PRDM2: variants seen among roughly 807,000 people sequenced by gnomAD.
PRDM2 encodes the protein PR domain zinc finger protein 2.
A neutral mutation model predicts 130.0 loss-of-function variants in PRDM2; 30 were observed. That is an observed-to-expected ratio of 0.23 (90% CI 0.17 to 0.31). The LOEUF (loss-of-function observed/expected upper bound fraction) is 0.31. PRDM2 is among the 10% of genes least tolerant of loss of function. PRDM2 has a pLI of 1.00. For missense variants in PRDM2, 2,011 were observed against 2,108.4 expected (o/e 0.95, Z 0.90); for synonymous variants, 871 against 782.4 (o/e 1.11, Z -1.89).
At chr1:13,752,943 G>A (rs1340793884) in intron 6 of PRDM2, among the ~76,000 whole-genome samples, 1 of 152,192 alleles carries the variant, frequency 6.6e-6, no homozygotes, top group Non-Finnish European at 1.5e-5. Context: ...CTGTGAAGCT[G>A]TGGGCTCTTG....
In PRDM2 at chr1:13,782,889, C is replaced by T. The variant is rs770641076; in HGVS notation, c.5036+58C>T. On this transcript the variant is annotated intron_variant, in intron 8 of 9. Coordinates refer to ENST00000311066, the MANE Select transcript of PRDM2 (RefSeq NM_001393986.1). ...GGGAAGGCGACAGTATCCTTGCCTACGGGTGTTTTTTGGTTTCTTGTTGCT... is the reference window on the plus strand; with the variant it reads ...GGGAAGGCGACAGTATCCTTGCCTATGGGTGTTTTTTGGTTTCTTGTTGCT... 6.2e-5 allele frequency: 99 copies of T among 1,588,318 alleles called. No homozygotes were observed. In the Middle Eastern group the frequency reaches 1.0e-3, roughly 16 times the overall value.
At chr1:13,813,836 C>T (rs1645213745) in intron 8 of PRDM2, among the ~76,000 whole-genome samples, 1 of 152,210 alleles carries the variant, frequency 6.6e-6, no homozygotes, top group African/African-American at 2.4e-5. Context: ...TTGCTGCATC[C>T]GCAGGAGCCC....
At chr1:13,807,557 G>A (rs1298947878) in intron 8 of PRDM2, among the ~76,000 whole-genome samples, 2 of 152,176 alleles carry the variant, frequency 1.3e-5, no homozygotes, top group Admixed American at 1.3e-4. Flanking sequence ...GGCTCACTGG[G>A]AATGAGACAT....
chr1:13,798,680 A>G (rs533500869), intron 8 of PRDM2, among the ~76,000 whole-genome samples: 2 of 152,234 alleles, frequency 1.3e-5, no homozygotes, highest in South Asian at 2.1e-4. Flanking sequence ...TTTTTCCCCT[A>G]TTTTTGGACC....
At chr1:13,726,773 T>C (rs886548410) in intron 2 of PRDM2, among the ~76,000 whole-genome samples, 1 of 152,218 alleles carries the variant, frequency 6.6e-6, no homozygotes, top group South Asian at 2.1e-4. Flanking sequence ...AGTCAAATAA[T>C]GAGTCCTCAT....
At chr1:13,792,377 A>C (rs1644854093) in intron 8 of PRDM2, among the ~76,000 whole-genome samples, 1 of 152,222 alleles carries the variant, frequency 6.6e-6, no homozygotes, top group Non-Finnish European at 1.5e-5. Context: ...AGTGTACAGC[A>C]GTTGAATTTG....
chr1:13,822,418 C>G, intron 9 of PRDM2, among the ~76,000 whole-genome samples: 1 of 129,678 alleles, frequency 7.7e-6, no homozygotes, highest in South Asian at 2.4e-4. Context: ...TTTTTTGAGA[C>G]AGAGTCTCGC....
At chr1:13,819,699 A>G (rs770940525) in intron 9 of PRDM2, among the ~76,000 whole-genome samples, 13 of 152,276 alleles carry the variant, frequency 8.5e-5, no homozygotes, top group Admixed American at 8.5e-4. Flanking sequence ...GTACCAGATC[A>G]GGGTGCCACC....
chr1:13,725,486 T>C (rs572656968), intron 2 of PRDM2, among the ~76,000 whole-genome samples: 1 of 152,342 alleles, frequency 6.6e-6, no homozygotes, highest in East Asian at 1.9e-4. Context: ...ATTACAGGCA[T>C]GAGCCACTGC....
At chr1:13,791,879 A>C (rs188096632) in intron 8 of PRDM2, among the ~76,000 whole-genome samples, 1 of 152,108 alleles carries the variant, frequency 6.6e-6, no homozygotes, top group African/African-American at 2.4e-5. Flanking sequence ...TTTCTTTTCA[A>C]CTCTTTTTTA....
At chr1:13,743,516 C>T (rs1198761312) in intron 5 of PRDM2, among the ~76,000 whole-genome samples, 1 of 150,874 alleles carries the variant, frequency 6.6e-6, no homozygotes, top group Admixed American at 6.6e-5. Flanking sequence ...CAATAGATAG[C>T]AAAATTGCTA....
chr1:13,797,575 G>T (rs1301002434), intron 8 of PRDM2, among the ~76,000 whole-genome samples: 1 of 152,206 alleles, frequency 6.6e-6, no homozygotes, highest in Non-Finnish European at 1.5e-5. Flanking sequence ...AGTTGTGTGT[G>T]GCACATGGCG....
chr1:13,816,612 G>T, intron 9 of PRDM2, 42 bp downstream of exon 9: 1 of 1,605,378 alleles, frequency 6.2e-7, no homozygotes, highest in South Asian at 1.1e-5. Flanking sequence ...TGTTTGGGTG[G>T]GTCAAGGGGG....
At chr1:13,718,704 A>G (rs1011081569) in intron 2 of PRDM2, among the ~76,000 whole-genome samples, 1 of 151,982 alleles carries the variant, frequency 6.6e-6, no homozygotes, top group African/African-American at 2.4e-5. Context: ...GCTTGAGCCC[A>G]TGCCTGGGTG....
At chr1:13,799,384 G>A (rs1644972230) in intron 8 of PRDM2, among the ~76,000 whole-genome samples, 1 of 151,604 alleles carries the variant, frequency 6.6e-6, no homozygotes, top group African/African-American at 2.4e-5. Context: ...GGCGGAGGCT[G>A]CCATGAGCTG....
intron 8 of PRDM2, among the ~76,000 whole-genome samples, chr1:13,812,744 C>A (rs1557676996): frequency 6.6e-6 from 1 of 152,330 alleles, no homozygotes; most frequent in South Asian, 2.1e-4. Flanking sequence ...AAGGACCAGT[C>A]AGGACCCTGG....
At chr1:13,774,038 T>C (rs1303854266) in intron 7 of PRDM2, among the ~76,000 whole-genome samples, 1 of 152,258 alleles carries the variant, frequency 6.6e-6, no homozygotes, top group Admixed American at 6.5e-5. Context: ...TTCTGTTTTT[T>C]GTTGGAATTT....
At chr1:13,749,527 C>T (rs1255188852) in intron 6 of PRDM2, 40 bp downstream of exon 6, 17 of 1,248,268 alleles carry the variant, frequency 1.4e-5, no homozygotes, top group Non-Finnish European at 1.7e-5. Flanking sequence ...CCCGGCGCCA[C>T]GCCCGCCCAG....
intron 2 of PRDM2, among the ~76,000 whole-genome samples, chr1:13,722,141 G>A (rs1642749319): frequency 6.6e-6 from 1 of 152,132 alleles, no homozygotes; most frequent in Non-Finnish European, 1.5e-5. Context: ...ATTACAGAAA[G>A]CTCCTGATTG....
Sources: allele counts gnomAD v4.1 joint callset (sites outside exome capture counted in the v4.1 genomes callset), GRCh38; gene constraint gnomAD v4.1.1; transcripts MANE v1.5; gene names NCBI Gene and HGNC (gene_info 2026-07-23, HGNC 2026-07-21).